Variants in TP63 observed in about 807,000 individuals in gnomAD.
TP63 encodes tumor protein 63.
TP63 carries 17 observed loss-of-function variants against 82.8 expected under a neutral mutation model. The observed-to-expected ratio is 0.21, with a 90% CI of 0.14 to 0.31. The LOEUF (loss-of-function observed/expected upper bound fraction) is 0.31. TP63 is among the 10% of genes least tolerant of loss of function. TP63 has a pLI of 1.00. For synonymous variants in TP63, 330 were observed against 321.7 expected (o/e 1.03, Z -0.28); for missense variants, 648 against 895.3 (o/e 0.72, Z 3.52).
the TP63 span, among the ~76,000 whole-genome samples, chr3:189,602,150 C>T: frequency 3.3e-5 from 5 of 152,142 alleles, no homozygotes; most frequent in Non-Finnish European, 7.4e-5. Flanking sequence ...ACAATAACAG[C>T]TTTCTCAGAC....
intron 3 of TP63, among the ~76,000 whole-genome samples, chr3:189,790,489 A>G (rs530275664): frequency 5.9e-5 from 9 of 152,158 alleles, no homozygotes; most frequent in African/African-American, 1.9e-4. Flanking sequence ...AATGTGTATT[A>G]TAGCATACAG....
chr3:189,754,498 T>C (rs1722044976), intron 3 of TP63, among the ~76,000 whole-genome samples: 1 of 152,182 alleles, frequency 6.6e-6, no homozygotes, highest in Non-Finnish European at 1.5e-5. Flanking sequence ...GAAAAATACA[T>C]TGACCCAACT....
intron 3 of TP63, among the ~76,000 whole-genome samples, chr3:189,793,628 T>C (rs996438342): frequency 1.3e-5 from 2 of 152,072 alleles, no homozygotes; most frequent in East Asian, 1.9e-4. Flanking sequence ...GCTGGTAGAA[T>C]AGAGGGGCAC....
At chr3:189,779,364 A>T (rs1724054382) in intron 3 of TP63, among the ~76,000 whole-genome samples, 1 of 152,174 alleles carries the variant, frequency 6.6e-6, no homozygotes, top group Non-Finnish European at 1.5e-5. Flanking sequence ...AGGCACACCT[A>T]CTTGGTTGCA....
chr3:189,863,142 G>A (rs1273691205), intron 4 of TP63, among the ~76,000 whole-genome samples: 2 of 152,158 alleles, frequency 1.3e-5, no homozygotes, highest in Non-Finnish European at 2.9e-5. Flanking sequence ...TTTCCTCTGG[G>A]AGGATGTTGG....
the TP63 span, among the ~76,000 whole-genome samples, chr3:189,614,530 G>C: frequency 6.6e-6 from 1 of 152,168 alleles, no homozygotes; most frequent in African/African-American, 2.4e-5. Flanking sequence ...AGCTTAATAG[G>C]ACTAAGTGGG....
chr3:189,663,769 C>G (rs148149594), intron 1 of TP63, among the ~76,000 whole-genome samples: 1 of 151,946 alleles, frequency 6.6e-6, no homozygotes, highest in Non-Finnish European at 1.5e-5. Flanking sequence ...CTCAAGTGAT[C>G]CTCCCACCTC....
chr3:189,837,667 T>C (rs1261344736), intron 4 of TP63, among the ~76,000 whole-genome samples: 1 of 152,364 alleles, frequency 6.6e-6, no homozygotes, highest in Non-Finnish European at 1.5e-5. Flanking sequence ...TTTTGTTTTC[T>C]TGAGACAGAG....
chr3:189,828,387 CT>C (rs982172370), intron 4 of TP63, among the ~76,000 whole-genome samples: 2 of 152,118 alleles, frequency 1.3e-5, no homozygotes, highest in Non-Finnish European at 2.9e-5. Flanking sequence ...ATTATTTTGA[CT>C]CCTACCATTG....
chr3:189,890,684 G>A lies in TP63; in HGVS notation c.1653-105G>A. 3.2e-6 allele frequency: 3 copies of A among 933,938 alleles called. No homozygotes were observed. The South Asian group carries it at 4.2e-5, about 13-fold the overall frequency. The allele number at this position is 933,938 out of a possible 1,614,324, so 57.9% of individuals were successfully genotyped here. On this transcript the variant is annotated intron_variant, in intron 12 of 13. Coordinates refer to ENST00000264731, the MANE Select transcript of TP63 (RefSeq NM_003722.5). ...ACCCAATCCTCATCTCTGATGTGGG[G>A]CATCCAAGGGCAAAATATATTGGGT...
chr3:189,740,581 C>G, intron 3 of TP63, among the ~76,000 whole-genome samples: 1 of 151,970 alleles, frequency 6.6e-6, no homozygotes, highest in East Asian at 2.0e-4. Context: ...CTCACTGCAA[C>G]CTCCGCCTCC....
chr3:189,780,943 G>T (rs1223373975), intron 3 of TP63, among the ~76,000 whole-genome samples: 1 of 152,136 alleles, frequency 6.6e-6, no homozygotes, highest in African/African-American at 2.4e-5. Context: ...TTTTGTGTTT[G>T]TGGTAAGGGC....
chr3:189,764,940 C>G (rs920279652), intron 3 of TP63, among the ~76,000 whole-genome samples: 1 of 152,104 alleles, frequency 6.6e-6, no homozygotes, highest in Non-Finnish European at 1.5e-5. Context: ...AAAATTAGAA[C>G]TAGATGGCTT....
chr3:189,806,348 C>T (rs1726904174), intron 3 of TP63, among the ~76,000 whole-genome samples: 3 of 152,104 alleles, frequency 2.0e-5, no homozygotes, highest in South Asian at 2.1e-4. Flanking sequence ...TTGTCAGGGA[C>T]GGCTGCCTCC....
At chr3:189,820,203 G>C (rs1272163646) in intron 4 of TP63, among the ~76,000 whole-genome samples, 1 of 152,164 alleles carries the variant, frequency 6.6e-6, no homozygotes, top group East Asian at 1.9e-4. Flanking sequence ...TGCTGTAAAA[G>C]CTAGAGCAAG....
chr3:189,877,884 T>G (rs1719412669), intron 10 of TP63, among the ~76,000 whole-genome samples: 1 of 152,206 alleles, frequency 6.6e-6, no homozygotes, highest in Non-Finnish European at 1.5e-5. Flanking sequence ...TGTCTCTTTT[T>G]TGTAGGATTG....
intron 13 of TP63, among the ~76,000 whole-genome samples, chr3:189,891,172 C>A (rs3856775): frequency 0.74 from 112,449 of 152,118 alleles, 41,880 homozygotes; most frequent in Middle Eastern, 0.9. Context: ...GCAATCAAAA[C>A]ATTCATAATT....
chr3:189,701,017 T>C (rs1298968890), intron 1 of TP63, among the ~76,000 whole-genome samples: 13 of 152,202 alleles, frequency 8.5e-5, no homozygotes, highest in Admixed American at 7.2e-4. Flanking sequence ...ATCTGTGATA[T>C]GTGATTTTAG....
At position 189,701,666 on chromosome 3, in the gene TP63, G is replaced by A. The variant is rs144998465; in HGVS notation, c.63-36074G>A. ...ATTCCAACAGAAAATGGAGGGGAAA[G>A]TTCAAAAATTCACATGGTCCAATGC... On this transcript the variant is annotated intron_variant, in intron 1 of 13. Transcript: ENST00000264731. 2.9e-3 allele frequency among the ~76,000 whole-genome samples: 444 copies of A among 151,736 alleles called. 4 individuals carry two copies. Among genetic ancestry groups the A allele is most frequent in the African/African-American group, 0.01 (422 of 41,406 alleles).
Sources: allele counts gnomAD v4.1 joint callset (sites outside exome capture counted in the v4.1 genomes callset), GRCh38; gene constraint gnomAD v4.1.1; transcripts MANE v1.5; gene names NCBI Gene and HGNC (gene_info 2026-07-23, HGNC 2026-07-21).